The following TENM2 variants were observed in gnomAD, a reference collection of about 807,000 sequenced individuals.
TENM2 encodes the protein teneurin transmembrane protein 2, also known as teneurin-2.
TENM2 carries 52 observed loss-of-function variants against 245.2 expected under a neutral mutation model. That is an observed-to-expected ratio of 0.21 (90% CI 0.17 to 0.27). The LOEUF is 0.27. TENM2 is among the 10% of genes least tolerant of loss of function. The pLI is 1.00. For synonymous variants in TENM2, 1,363 were observed against 1,438.9 expected (o/e 0.95, Z 1.19); for missense variants, 3,046 against 3,666.8 (o/e 0.83, Z 4.37).
the TENM2 span, among the ~76,000 whole-genome samples, chr5:167,150,371 G>T: frequency 6.6e-6 from 1 of 152,096 alleles, no homozygotes; most frequent in Non-Finnish European, 1.5e-5. Context: ...ATTATTATGG[G>T]CAAATAAAAG....
chr5:166,981,045 A>G, the TENM2 span, among the ~76,000 whole-genome samples: 1 of 152,238 alleles, frequency 6.6e-6, no homozygotes, highest in Non-Finnish European at 1.5e-5. Context: ...GCCCCAAAAA[A>G]CAAAACAAAC....
chr5:167,155,620 A>C, the TENM2 span, among the ~76,000 whole-genome samples: 1 of 152,212 alleles, frequency 6.6e-6, no homozygotes. Flanking sequence ...CATGCCATAG[A>C]GCCGTGGCGT....
At chr5:167,743,934 A>G (rs1455431434) in intron 2 of TENM2, among the ~76,000 whole-genome samples, 1 of 152,178 alleles carries the variant, frequency 6.6e-6, no homozygotes, top group Non-Finnish European at 1.5e-5. Flanking sequence ...ATGAAACTAG[A>G]AGTGAGCTTG....
chr5:167,498,305 A>G (rs578046960), intron 2 of TENM2, among the ~76,000 whole-genome samples: 31 of 152,142 alleles, frequency 2.0e-4, no homozygotes, highest in African/African-American at 7.5e-4. Context: ...CTCTCCAGAC[A>G]TTGTCTTGAT....
At chr5:167,632,112 G>A (rs768964125) in intron 2 of TENM2, among the ~76,000 whole-genome samples, 1 of 152,124 alleles carries the variant, frequency 6.6e-6, no homozygotes, top group Non-Finnish European at 1.5e-5. Flanking sequence ...TCCTGTGGGG[G>A]TTTTAAACAG....
At chr5:167,298,520 G>A (rs369002176) in intron 1 of TENM2, among the ~76,000 whole-genome samples, 4 of 152,112 alleles carry the variant, frequency 2.6e-5, no homozygotes, top group Non-Finnish European at 4.4e-5. Flanking sequence ...GGAGAATGGC[G>A]TAAACCCCAG....
chr5:167,004,629 T>C, the TENM2 span, among the ~76,000 whole-genome samples: 1 of 152,250 alleles, frequency 6.6e-6, no homozygotes, highest in African/African-American at 2.4e-5. Flanking sequence ...TAAATGTTAT[T>C]ACTCCTTGAA....
At chr5:167,185,801 C>T in the TENM2 span, among the ~76,000 whole-genome samples, 2 of 152,024 alleles carry the variant, frequency 1.3e-5, no homozygotes, top group African/African-American at 4.8e-5. Context: ...CCTCAGAAAC[C>T]TTTGGTGTGT....
At chr5:167,984,350 T>C (rs1413953648) in intron 4 of TENM2, among the ~76,000 whole-genome samples, 1 of 152,350 alleles carries the variant, frequency 6.6e-6, no homozygotes, top group East Asian at 1.9e-4. Context: ...AGATGTTTAC[T>C]TTCTATTTTT....
chr5:167,513,416 C>T (rs940436422), intron 2 of TENM2, among the ~76,000 whole-genome samples: 1 of 152,080 alleles, frequency 6.6e-6, no homozygotes, highest in Non-Finnish European at 1.5e-5. Flanking sequence ...CGAAGTAAAG[C>T]CTGCCTCCTA....
chr5:167,703,495 G>A (rs954605856), intron 2 of TENM2, among the ~76,000 whole-genome samples: 18 of 132,074 alleles, frequency 1.4e-4, no homozygotes, highest in African/African-American at 4.9e-4. Flanking sequence ...TCGCACCAAT[G>A]TACTCCAACC....
the TENM2 span, among the ~76,000 whole-genome samples, chr5:167,048,288 G>A: frequency 5.9e-5 from 9 of 152,062 alleles, no homozygotes; most frequent in South Asian, 2.1e-4. Context: ...ATTATTCTCC[G>A]TATGATAGTA....
intron 2 of TENM2, among the ~76,000 whole-genome samples, chr5:167,394,301 G>A (rs1002296428): frequency 5.9e-5 from 9 of 151,942 alleles, no homozygotes; most frequent in African/African-American, 2.2e-4. Flanking sequence ...TTTTGTGTAT[G>A]GTGTAAAAGA....
At chr5:167,237,779 G>A in the TENM2 span, among the ~76,000 whole-genome samples, 7 of 152,118 alleles carry the variant, frequency 4.6e-5, no homozygotes, top group East Asian at 3.9e-4. Flanking sequence ...TTGGGAGGCC[G>A]AGGTGGGTGG....
chr5:167,952,458 C>T (rs971709645), intron 3 of TENM2, 130 bp from the exon 6 acceptor site: 168 of 725,590 alleles, frequency 2.3e-4, no homozygotes, highest in African/African-American at 1.8e-3. Flanking sequence ...TCTTATCTGT[C>T]GCTCTAGCTT....
At chr5:167,433,120 T>C (rs1764348253) in intron 2 of TENM2, among the ~76,000 whole-genome samples, 1 of 152,026 alleles carries the variant, frequency 6.6e-6, no homozygotes, top group African/African-American at 2.4e-5. Flanking sequence ...ATATTGAATT[T>C]TTTTTTTTAG....
At chr5:167,448,288 G>C (rs550812713) in intron 2 of TENM2, among the ~76,000 whole-genome samples, 2 of 151,936 alleles carry the variant, frequency 1.3e-5, no homozygotes, top group African/African-American at 4.8e-5. Flanking sequence ...TGGTGAGGGT[G>C]GTGGAAGAAA....
At chr5:167,702,552 G>GTATA (rs374895330) in intron 2 of TENM2, among the ~76,000 whole-genome samples, 2,159 of 136,752 alleles carry the variant, frequency 0.016, 64 homozygotes, top group African/African-American at 0.053. Context: ...GTGTGTGTGT[G>GTATA]TATATATATA....
At chr5:167,975,823 T>G (rs1233515903) in intron 4 of TENM2, among the ~76,000 whole-genome samples, 2 of 151,836 alleles carry the variant, frequency 1.3e-5, no homozygotes, top group Admixed American at 1.3e-4. Context: ...TACTGTTTAT[T>G]TGAGGGTTAA....
Sources: allele counts gnomAD v4.1 joint callset (sites outside exome capture counted in the v4.1 genomes callset), GRCh38; gene constraint gnomAD v4.1.1; transcripts MANE v1.5; gene names NCBI Gene and HGNC (gene_info 2026-07-23, HGNC 2026-07-21).